The following RNLS variants were observed in gnomAD, a reference collection of about 807,000 sequenced individuals.
RNLS encodes renalase.
A neutral mutation model predicts 39.8 loss-of-function variants in RNLS; 39 were observed. The observed-to-expected ratio is 0.98, with a 90% CI of 0.76 to 1.28. The LOEUF (loss-of-function observed/expected upper bound fraction) is 1.28, where lower values mean the gene tolerates loss of function less well. Ranked by LOEUF, RNLS falls within the 50% of genes most tolerant of loss-of-function variation. RNLS has a pLI of 0.00. For missense variants in RNLS, 410 were observed against 413.3 expected, an observed-to-expected ratio of 0.99 and a Z score of 0.07; for synonymous variants, 147 against 150.7, an observed-to-expected ratio of 0.98 and a Z score of 0.18.
At chr10:88,263,632 T>C in the RNLS span, among the ~76,000 whole-genome samples, 6 of 152,236 alleles carry the variant, frequency 3.9e-5, no homozygotes, top group African/African-American at 1.4e-4. Context: ...TGAACCTGCC[T>C]TAATTGCACT....
intron 4 of RNLS, among the ~76,000 whole-genome samples, chr10:88,548,700 T>A (rs1180718248): frequency 6.8e-6 from 1 of 147,898 alleles, no homozygotes; most frequent in East Asian, 2.0e-4. Flanking sequence ...ATAATATATA[T>A]TATATTTAAT....
intron 6 of RNLS, among the ~76,000 whole-genome samples, chr10:88,302,384 ACTTAT>A (rs1417943265): frequency 3.3e-5 from 5 of 152,238 alleles, no homozygotes; most frequent in African/African-American, 1.2e-4. Flanking sequence ...CTTTCAAAGT[ACTTAT>A]CTTAGAAGGC....
rs185036782 is a variant in RNLS, at chr10:88,366,654, A to G, written c.527-3929T>C. ...GACCTGAGAGATTAGGGGAGAAAGT[A>G]AGTTTTCTGAAAAAAAAAAAAAAAA... On this transcript the variant is annotated intron_variant, in intron 4 of 6. Coordinates refer to ENST00000331772, the MANE Select transcript of RNLS (RefSeq NM_001031709.3). Among the ~76,000 whole-genome samples, 238 of 127,200 alleles carry G rather than the reference A, an allele frequency of 1.9e-3. 2 individuals carry two copies. The highest frequency in any genetic ancestry group is 6.9e-3 in the African/African-American group (227 of 32,848). 83.4% of individuals were successfully genotyped at this position (127,200 alleles called of 152,430 possible). A position where few individuals can be genotyped will look rare whatever the true frequency, so the allele number is the denominator to read the frequency against.
chr10:88,175,898 C>T, the RNLS span, among the ~76,000 whole-genome samples: 1 of 152,096 alleles, frequency 6.6e-6, no homozygotes, highest in South Asian at 2.1e-4. Flanking sequence ...ATAATTTTTT[C>T]TTCATATATG....
intron 4 of RNLS, among the ~76,000 whole-genome samples, chr10:88,538,223 A>C (rs1240181599): frequency 6.6e-6 from 1 of 152,178 alleles, no homozygotes; most frequent in Non-Finnish European, 1.5e-5. Flanking sequence ...CAAATACATG[A>C]AAGTGTCTGG....
At chr10:88,316,119 G>A (rs1355593119) in intron 5 of RNLS, among the ~76,000 whole-genome samples, 5 of 152,188 alleles carry the variant, frequency 3.3e-5, no homozygotes, top group Non-Finnish European at 5.9e-5. Context: ...CTTCCAAGGA[G>A]TTTCACATAT....
intron 4 of RNLS, among the ~76,000 whole-genome samples, chr10:88,530,487 T>C (rs1681648571): frequency 6.6e-6 from 1 of 152,192 alleles, no homozygotes; most frequent in Non-Finnish European, 1.5e-5. Context: ...CAATTTTATG[T>C]AGTTATTTTT....
chr10:88,443,971 T>C (rs1282111029), intron 4 of RNLS, among the ~76,000 whole-genome samples: 2 of 151,986 alleles, frequency 1.3e-5, no homozygotes, highest in Non-Finnish European at 2.9e-5. Flanking sequence ...TTGAAGAGAG[T>C]TGTGGTTCTC....
chr10:88,573,957 A>G (rs1259822207), intron 3 of RNLS, among the ~76,000 whole-genome samples: 1 of 152,172 alleles, frequency 6.6e-6, no homozygotes. Context: ...CCTGGCCAAC[A>G]TGGTGAAACC....
Position 88,284,211 on chromosome 10 carries a change from T to C in RNLS, c.*1143A>G, listed in dbSNP as rs931540549. ...TATAGAAGCAAGTTCTGCCTGTGCCTGTGTATGTGTATGTATGACAGTGGA... is the reference window on the plus strand; with the variant it reads ...TATAGAAGCAAGTTCTGCCTGTGCCCGTGTATGTGTATGTATGACAGTGGA... On this transcript the variant is annotated 3_prime_UTR_variant, in exon 7 of 7. Coordinates refer to ENST00000331772, the MANE Select transcript of RNLS (RefSeq NM_001031709.3). The C allele has an allele frequency of 1.0e-6, 1 of 985,178 alleles. No homozygotes were observed. Among genetic ancestry groups the C allele is most frequent in the African/African-American group, 1.7e-5 (1 of 57,232 alleles). The allele number at this position is 985,178 out of a possible 1,614,324, so 61.0% of individuals were successfully genotyped here. A position where few individuals can be genotyped will look rare whatever the true frequency, so the allele number is the denominator to read the frequency against.
chr10:88,202,217 A>G, the RNLS span, among the ~76,000 whole-genome samples: 7 of 147,632 alleles, frequency 4.7e-5, no homozygotes, highest in African/African-American at 5.0e-5. Context: ...CAAGCACCGC[A>G]TGTTCGCACT....
chr10:88,574,801 G>C (rs1590047432), intron 3 of RNLS, among the ~76,000 whole-genome samples: 1 of 151,858 alleles, frequency 6.6e-6, no homozygotes, highest in East Asian at 1.9e-4. Flanking sequence ...GCTTGGGGAA[G>C]GTGCAAATAA....
intron 4 of RNLS, among the ~76,000 whole-genome samples, chr10:88,499,886 G>T (rs879926481): frequency 2.0e-5 from 3 of 152,134 alleles, no homozygotes; most frequent in Non-Finnish European, 4.4e-5. Flanking sequence ...GGGTATACTT[G>T]CAGTCTAAAG....
intron 4 of RNLS, among the ~76,000 whole-genome samples, chr10:88,427,453 T>C (rs1360453111): frequency 6.6e-6 from 1 of 152,018 alleles, no homozygotes; most frequent in Non-Finnish European, 1.5e-5. Context: ...ATATCTAATA[T>C]TTGCATATTA....
At chr10:88,253,358 A>G in the RNLS span, among the ~76,000 whole-genome samples, 1 of 152,200 alleles carries the variant, frequency 6.6e-6, no homozygotes, top group Non-Finnish European at 1.5e-5. Context: ...GCACATTGAC[A>G]TTCAGGCTGG....
intron 4 of RNLS, among the ~76,000 whole-genome samples, chr10:88,434,915 C>T (rs1672539500): frequency 6.6e-6 from 1 of 151,778 alleles, no homozygotes; most frequent in Non-Finnish European, 1.5e-5. Context: ...AACCACATAG[C>T]AGTAGAAAAT....
At chr10:88,463,931 C>G (rs1448785421) in intron 4 of RNLS, among the ~76,000 whole-genome samples, 1 of 151,906 alleles carries the variant, frequency 6.6e-6, no homozygotes. Flanking sequence ...GAGAATTTCT[C>G]TTTAACTTTT....
At chr10:88,461,163 AG>A (rs1266001409) in intron 4 of RNLS, among the ~76,000 whole-genome samples, 1 of 152,096 alleles carries the variant, frequency 6.6e-6, no homozygotes, top group Non-Finnish European at 1.5e-5. Flanking sequence ...AATGGCTAAA[AG>A]CCCTTGTTGG....
intron 4 of RNLS, among the ~76,000 whole-genome samples, chr10:88,491,145 C>T (rs1420746065): frequency 6.6e-6 from 1 of 152,162 alleles, no homozygotes; most frequent in Non-Finnish European, 1.5e-5. Context: ...AACCAGTCTG[C>T]TTCAGAAAAC....
Sources: allele counts gnomAD v4.1 joint callset (sites outside exome capture counted in the v4.1 genomes callset), GRCh38; gene constraint gnomAD v4.1.1; transcripts MANE v1.5; gene names NCBI Gene and HGNC (gene_info 2026-07-23, HGNC 2026-07-21).